CDS1: variants seen among roughly 807,000 people sequenced by gnomAD.
CDS1 encodes the protein CDP-diacylglycerol synthase 1.
A neutral mutation model predicts 62.1 loss-of-function variants in CDS1; 41 were observed. The observed-to-expected ratio is 0.66, with a 90% CI of 0.51 to 0.86. CDS1 has a LOEUF of 0.86. Ranked by LOEUF, CDS1 falls within the 40% of genes least tolerant of loss-of-function variation. The pLI, the probability that CDS1 is intolerant of heterozygous loss-of-function variation, is 0.00. For missense variants in CDS1, 470 were observed against 550.1 expected (o/e 0.85, Z 1.46); for synonymous variants, 185 against 192.6 (o/e 0.96, Z 0.32).
chr4:84,619,177 A>G (rs918106183), intron 4 of CDS1, among the ~76,000 whole-genome samples: 3 of 152,142 alleles, frequency 2.0e-5, no homozygotes, highest in African/African-American at 7.2e-5. Context: ...TTTCAGCTAA[A>G]TAAAGGTATG....
At chr4:84,614,867 A>G (rs1723437710) in intron 3 of CDS1, among the ~76,000 whole-genome samples, 1 of 152,250 alleles carries the variant, frequency 6.6e-6, no homozygotes, top group African/African-American at 2.4e-5. Context: ...AAGAAAGCCC[A>G]TTAGCACTAG....
At chr4:84,646,340 TC>T (rs771687171) in intron 12 of CDS1, among the ~76,000 whole-genome samples, 1 of 152,216 alleles carries the variant, frequency 6.6e-6, no homozygotes, top group Non-Finnish European at 1.5e-5. Context: ...TCTCCTCTCA[TC>T]TTTCATTTCT....
At chr4:84,646,126 C>A (rs1377927661) in intron 12 of CDS1, among the ~76,000 whole-genome samples, 4 of 152,188 alleles carry the variant, frequency 2.6e-5, no homozygotes, top group African/African-American at 9.7e-5. Context: ...GGATTTCCTT[C>A]ATAGTACTTG....
intron 5 of CDS1, among the ~76,000 whole-genome samples, chr4:84,630,958 G>A (rs755785528): frequency 5.3e-5 from 8 of 151,826 alleles, no homozygotes; most frequent in Non-Finnish European, 8.8e-5. Context: ...GATTCATATT[G>A]CCTCCCATTA....
At chr4:84,639,772 T>G (rs1250627370) in intron 9 of CDS1, among the ~76,000 whole-genome samples, 1 of 152,142 alleles carries the variant, frequency 6.6e-6, no homozygotes, top group Non-Finnish European at 1.5e-5. Context: ...GCCATGATCC[T>G]GGAAACCACC....
At chr4:84,643,330 T>A (rs1724452310) in intron 11 of CDS1, among the ~76,000 whole-genome samples, 187 bp downstream of exon 11, 1 of 152,236 alleles carries the variant, frequency 6.6e-6, no homozygotes, top group African/African-American at 2.4e-5. Flanking sequence ...AGGTTTGTCA[T>A]ACCATGTTAA....
chr4:84,632,724 GCAAT>G (rs1289109820), intron 6 of CDS1, among the ~76,000 whole-genome samples: 1 of 152,142 alleles, frequency 6.6e-6, no homozygotes, highest in Non-Finnish European at 1.5e-5. Flanking sequence ...GCATTTTTAA[GCAAT>G]CAGAGTAAAA....
At chr4:84,587,336 G>A (rs184751274) in intron 1 of CDS1, among the ~76,000 whole-genome samples, 4 of 152,140 alleles carry the variant, frequency 2.6e-5, no homozygotes, top group Middle Eastern at 3.4e-3. Context: ...GTTACCTTTT[G>A]GTCATTTCCT....
intron 1 of CDS1, among the ~76,000 whole-genome samples, chr4:84,590,339 A>G (rs1722555451): frequency 6.6e-6 from 1 of 152,216 alleles, no homozygotes; most frequent in Admixed American, 6.5e-5. Flanking sequence ...TACTCAAGTT[A>G]TACTAATAAA....
intron 4 of CDS1, among the ~76,000 whole-genome samples, chr4:84,618,613 T>C (rs1723573334): frequency 6.6e-6 from 1 of 152,198 alleles, no homozygotes; most frequent in African/African-American, 2.4e-5. Context: ...GATGTACTTA[T>C]ACTACCGTTG....
chr4:84,597,132 C>G (rs1722775288), intron 1 of CDS1, among the ~76,000 whole-genome samples: 1 of 152,146 alleles, frequency 6.6e-6, no homozygotes, highest in Non-Finnish European at 1.5e-5. Flanking sequence ...AAGTGTAACT[C>G]CTGATTGGAT....
At chr4:84,609,180 CAAAAAAAAAA>C (rs1230335142) in intron 2 of CDS1, among the ~76,000 whole-genome samples, 1 of 91,474 alleles carries the variant, frequency 1.1e-5, no homozygotes, top group African/African-American at 5.3e-5. Flanking sequence ...GACTCCGTCT[CAAAAAAAAAA>C]AAAAAAAAAA....
At chr4:84,599,319 A>C (rs1291216452) in intron 1 of CDS1, among the ~76,000 whole-genome samples, 14 of 150,874 alleles carry the variant, frequency 9.3e-5, no homozygotes, top group African/African-American at 3.2e-4. Context: ...GGAAAATTGC[A>C]CTTCATTGTA....
At chr4:84,630,219 G>A (rs551068049) in intron 5 of CDS1, among the ~76,000 whole-genome samples, 1 of 152,270 alleles carries the variant, frequency 6.6e-6, no homozygotes, top group African/African-American at 2.4e-5. Flanking sequence ...TAATTTTGAT[G>A]CCATTAATTT....
intron 4 of CDS1, 77 bp from the exon 5 acceptor site, chr4:84,619,317 T>G: frequency 1.4e-6 from 1 of 700,962 alleles, no homozygotes; most frequent in Non-Finnish European, 2.2e-6. Context: ...GTCATCAGAA[T>G]GTAGAAAATA....
intron 1 of CDS1, among the ~76,000 whole-genome samples, chr4:84,600,214 A>T (rs1722894724): frequency 1.3e-5 from 2 of 152,074 alleles, no homozygotes; most frequent in Admixed American, 6.5e-5. Flanking sequence ...TTGTTCATTT[A>T]TTGTTTCCTT....
At chr4:84,644,114 G>A (rs1398530469) in intron 11 of CDS1, among the ~76,000 whole-genome samples, 6 of 152,202 alleles carry the variant, frequency 3.9e-5, no homozygotes, top group African/African-American at 7.2e-5. Flanking sequence ...CAGATCACAC[G>A]CGGCCTACGG....
chr4:84,642,077 C>T (rs1234548183), intron 10 of CDS1, among the ~76,000 whole-genome samples: 1 of 152,128 alleles, frequency 6.6e-6, no homozygotes, highest in African/African-American at 2.4e-5. Context: ...CCTGTAATCC[C>T]AACACTTTGG....
chr4:84,601,776 G>T (rs1047631631), intron 1 of CDS1, among the ~76,000 whole-genome samples: 3 of 151,618 alleles, frequency 2.0e-5, no homozygotes, highest in African/African-American at 7.3e-5. Flanking sequence ...AGCCGGGCCT[G>T]GTGGGGCATA....
Sources: gnomAD v4.1 joint callset for allele counts (sites outside exome capture counted in the v4.1 genomes callset) on GRCh38, gnomAD v4.1.1 for gene constraint, MANE v1.5 for transcripts, NCBI Gene and HGNC (gene_info 2026-07-23, HGNC 2026-07-21) for gene names.